ATL3: variants seen among roughly 807,000 people sequenced by gnomAD.
ATL3 encodes the protein atlastin GTPase 3.
Under a neutral mutation model 69.5 loss-of-function variants are expected in ATL3, and 49 were observed. The observed-to-expected ratio is 0.71, with a 90% CI of 0.56 to 0.89. The LOEUF (loss-of-function observed/expected upper bound fraction) is 0.89, where lower values mean the gene tolerates loss of function less well. Among genes scored for constraint, ATL3 ranks in the 40% least tolerant of loss-of-function variants. The pLI is 0.00. For synonymous variants in ATL3, 214 were observed against 224.1 expected (o/e 0.95, Z 0.40); for missense variants, 606 against 645.7 (o/e 0.94, Z 0.67).
chr11:63,632,199 G>A, intron 11 of ATL3: 1 of 585,336 alleles, frequency 1.7e-6, no homozygotes, highest in Non-Finnish European at 3.2e-6. Flanking sequence ...TATGACCAAT[G>A]GTGGCAGAGT....
At chr11:63,665,084 T>G (rs1413801216) in intron 1 of ATL3, among the ~76,000 whole-genome samples, 1 of 152,132 alleles carries the variant, frequency 6.6e-6, no homozygotes, top group Non-Finnish European at 1.5e-5. Context: ...TGGGGGCTCA[T>G]GCCTGTCAAT....
intron 1 of ATL3, 100 bp downstream of exon 1, chr11:63,671,190 G>A: frequency 6.9e-7 from 1 of 1,451,216 alleles, no homozygotes; most frequent in Non-Finnish European, 9.1e-7. Flanking sequence ...GCCCCGGGAC[G>A]AGGAAGGGCG....
rs1262723380 is a variant in ATL3 at position 63,625,592 on chromosome 11, T to G, written c.*3727A>C. The G allele has an allele frequency of 6.6e-6, 1 of 152,248 alleles. No individual in the cohort carries two copies. The highest frequency in any genetic ancestry group is 1.5e-5 in the Non-Finnish European group (1 of 68,056). The allele number at this position is 152,248 out of a possible 1,614,324, so 9.4% of individuals were successfully genotyped here. A position where few individuals can be genotyped will look rare whatever the true frequency, so the allele number is the denominator to read the frequency against. On this transcript the variant is annotated 3_prime_UTR_variant, in exon 13 of 13. Transcript: ENST00000398868. The stretch of plus-strand genomic sequence containing the variant: ...CCAAGGCACCATTTTACAAGCCAAG[T>G]AGAACACTGTGTGTGATCCACTAAT...
At chr11:63,636,671 G>A (rs1274010874) in intron 8 of ATL3, among the ~76,000 whole-genome samples, 7 of 151,620 alleles carry the variant, frequency 4.6e-5, no homozygotes, top group South Asian at 2.1e-4. Context: ...CCCAGGAGGA[G>A]GAGGTTGCAG....
At chr11:63,634,989 G>A (rs571879326) in intron 10 of ATL3, among the ~76,000 whole-genome samples, 3 of 151,428 alleles carry the variant, frequency 2.0e-5, no homozygotes, top group Non-Finnish European at 4.4e-5. Context: ...TGGCTAAACC[G>A]ATCTCTATTA....
At chr11:63,643,670 G>A (rs1939773536) in intron 7 of ATL3, among the ~76,000 whole-genome samples, 175 bp from the exon 8 acceptor site, 2 of 152,112 alleles carry the variant, frequency 1.3e-5, no homozygotes, top group African/African-American at 4.8e-5. Flanking sequence ...ATTACCTACG[G>A]CTTGACTCCT....
At chr11:63,659,551 G>T (rs1240224806) in intron 1 of ATL3, among the ~76,000 whole-genome samples, 3 of 151,542 alleles carry the variant, frequency 2.0e-5, no homozygotes, top group Middle Eastern at 3.4e-3. Context: ...TGAGCCCAGG[G>T]GTTTGAGGTT....
intron 1 of ATL3, among the ~76,000 whole-genome samples, chr11:63,666,734 G>A (rs2134543769): frequency 6.6e-6 from 1 of 152,190 alleles, no homozygotes; most frequent in Admixed American, 6.5e-5. Context: ...CTTAAACTCT[G>A]GAGATCTAGT....
intron 8 of ATL3, among the ~76,000 whole-genome samples, chr11:63,641,475 T>C (rs1939698922): frequency 6.6e-6 from 1 of 152,178 alleles, no homozygotes; most frequent in South Asian, 2.1e-4. Context: ...ATCCAAAGAC[T>C]GGTGTGCTCA....
At chr11:63,658,617 C>T in intron 3 of ATL3, 144 bp downstream of exon 3, 1 of 940,626 alleles carries the variant, frequency 1.1e-6, no homozygotes, top group East Asian at 3.0e-5. Context: ...AATTTCAGGA[C>T]AAAACAGGGA....
Position 63,628,314 on chromosome 11 carries a change from G to C in ATL3, c.*1005C>G, listed in dbSNP as rs1939185824. Reference sequence around the variant, plus strand: ...CCTCTTTTTCTAGAAAGAAGCTATAGGGACCAAAAAAAAAAAAAAAATAGA... The same window carrying C: ...CCTCTTTTTCTAGAAAGAAGCTATACGGACCAAAAAAAAAAAAAAAATAGA... On this transcript the variant is annotated 3_prime_UTR_variant, in exon 13 of 13. Transcript: ENST00000398868. 1 of 148,684 alleles carries C rather than the reference G, an allele frequency of 6.7e-6. No individual in the cohort carries two copies. The highest frequency in any genetic ancestry group is 2.5e-5 in the African/African-American group (1 of 40,180). 9.2% of individuals were successfully genotyped at this position (148,684 alleles called of 1,614,324 possible). A position where few individuals can be genotyped will look rare whatever the true frequency, so the allele number is the denominator to read the frequency against.
intron 8 of ATL3, among the ~76,000 whole-genome samples, chr11:63,639,539 A>C (rs940449918): frequency 5.3e-5 from 8 of 152,156 alleles, no homozygotes; most frequent in Non-Finnish European, 1.2e-4. Context: ...GGATCACTTG[A>C]GGTCAGGAGT....
In ATL3 at chr11:63,629,265, C is replaced by T; in HGVS notation, c.*54G>A. 1 of 1,490,230 alleles carries T rather than the reference C, an allele frequency of 6.7e-7. No homozygotes were observed. The highest frequency in any genetic ancestry group is 9.4e-7 in the Non-Finnish European group (1 of 1,067,954). The allele number at this position is 1,490,230 out of a possible 1,614,324, so 92.3% of individuals were successfully genotyped here. A position where few individuals can be genotyped will look rare whatever the true frequency, so the allele number is the denominator to read the frequency against. ...TATGAACCTGTGGCCGTGGCAGAAA[C>T]CCAGAAATCAGTAGGGGCTTGTTGT... is the stretch of plus-strand genomic sequence containing the variant. On this transcript the variant is annotated 3_prime_UTR_variant, in exon 13 of 13. Coordinates refer to ENST00000398868, the MANE Select transcript of ATL3 (RefSeq NM_015459.5).
chr11:63,654,387 C>A (rs1413632684), intron 3 of ATL3, among the ~76,000 whole-genome samples: 6 of 151,624 alleles, frequency 4.0e-5, no homozygotes, highest in Non-Finnish European at 8.8e-5. Context: ...CCTCATGATC[C>A]GCCCGCCTCA....
At chr11:63,651,413 A>G (rs574031560) in intron 5 of ATL3, among the ~76,000 whole-genome samples, 1 of 152,308 alleles carries the variant, frequency 6.6e-6, no homozygotes, top group East Asian at 1.9e-4. Context: ...CTTAAAAAAA[A>G]AAAAAAAGTC....
rs537892368 is a variant in ATL3, at chr11:63,656,746, G to T, written c.405+2015C>A. Among the ~76,000 whole-genome samples the T allele has an allele frequency of 4.8e-5, 7 of 145,702 alleles. No homozygotes were observed. In the South Asian group the frequency reaches 1.5e-3, roughly 32 times the overall value. On this transcript the variant is annotated intron_variant, in intron 3 of 12. Coordinates refer to ENST00000398868, the MANE Select transcript of ATL3 (RefSeq NM_015459.5). ...GACTCCCTCTCAAAAAAAAAAAAAA[G>T]AAACAATGTCAGCAAAAAGGCAAAG...
At chr11:63,665,450 C>T (rs1003217049) in intron 1 of ATL3, among the ~76,000 whole-genome samples, 1 of 151,952 alleles carries the variant, frequency 6.6e-6, no homozygotes, top group Non-Finnish European at 1.5e-5. Flanking sequence ...AAAGTCCTTA[C>T]TCATCTCTTC....
intron 1 of ATL3, among the ~76,000 whole-genome samples, chr11:63,665,114 G>A (rs1940535728): frequency 6.6e-6 from 1 of 152,154 alleles, no homozygotes; most frequent in African/African-American, 2.4e-5. Context: ...GGAAGGCCAA[G>A]GTGGGTGGAT....
chr11:63,624,561 T>C lies in ATL3; in HGVS notation c.*4758A>G, dbSNP rs1939042369. 1.3e-5 allele frequency: 2 copies of C among 152,354 alleles called. No individual in the cohort carries two copies. Among genetic ancestry groups the C allele is most frequent in the South Asian group, 4.1e-4 (2 of 4,826 alleles). 9.4% of individuals were successfully genotyped at this position (152,354 alleles called of 1,614,324 possible). A position where few individuals can be genotyped will look rare whatever the true frequency, so the allele number is the denominator to read the frequency against. Reference sequence around the variant, plus strand: ...TCTTCTTTCTTGTTCATTATTTTTATTTGTGGCTTAATGTTTCACCTGTAT... The same window carrying C: ...TCTTCTTTCTTGTTCATTATTTTTACTTGTGGCTTAATGTTTCACCTGTAT... On this transcript the variant is annotated 3_prime_UTR_variant, in exon 13 of 13. Coordinates refer to ENST00000398868, the MANE Select transcript of ATL3 (RefSeq NM_015459.5).
Sources: gnomAD v4.1 joint callset for allele counts (sites outside exome capture counted in the v4.1 genomes callset) on GRCh38, gnomAD v4.1.1 for gene constraint, MANE v1.5 for transcripts, NCBI Gene and HGNC (gene_info 2026-07-23, HGNC 2026-07-21) for gene names.